Variants in RTEL1 observed in about 807,000 individuals in gnomAD.
RTEL1 encodes the protein regulator of telomere elongation helicase 1, also known as regulator of telomere length.
A neutral mutation model predicts 162.2 loss-of-function variants in RTEL1; 86 were observed. That is an observed-to-expected ratio of 0.53 (90% CI 0.45 to 0.63). The LOEUF is 0.63. RTEL1 is among the 30% of genes least tolerant of loss of function. The pLI, the probability that RTEL1 is intolerant of heterozygous loss-of-function variation, is 0.00. For synonymous variants in RTEL1, 958 were observed against 717.9 expected, an observed-to-expected ratio of 1.33 and a Z score of -5.35; for missense variants, 1,941 against 1,750.2, an observed-to-expected ratio of 1.11 and a Z score of -1.95.
At chr20:63,667,230 C>T (rs148646486) in intron 7 of RTEL1, among the ~76,000 whole-genome samples, 14 of 152,242 alleles carry the variant, frequency 9.2e-5, no homozygotes, top group African/African-American at 1.7e-4. Flanking sequence ...TTTAAAGAGA[C>T]GACGATTTAC....
Position 63,667,362 on chromosome 20 carries a change from C to CA in RTEL1, c.615-107_615-106insA, listed in dbSNP as rs572805544. The CA allele has an allele frequency of 4.8e-3, 4,194 of 865,478 alleles. 161 individuals are homozygous for CA. The South Asian group carries it at 0.053, about 11-fold the overall frequency. The allele number at this position is 865,478 out of a possible 1,614,324, so 53.6% of individuals were successfully genotyped here. On this transcript the variant is annotated intron_variant, in intron 7 of 34. Coordinates refer to ENST00000360203, the MANE Select transcript of RTEL1 (RefSeq NM_001283009.2). The stretch of plus-strand genomic sequence containing the variant: ...CCCAGGCAGCAGCTTCCCACCTGGG[C>CA]CCTACGTGCAGGATGAGGGCTCCTT...
rs914471851 is a variant in RTEL1 at position 63,688,588 on chromosome 20, A to G, written c.1783A>G (p.Lys595Glu). ...LKPLFVEPRS[K>E]GSFSETISAY... ...GCCGCTGTTTGTGGAGCCCAGGAGC[A>G]AAGGCAGCTTCTCCGAGGTCGGCAC... Residue 595 changes from lysine (K) to glutamate (E), a missense_variant, in exon 21 of 35, where the codon AAA (lysine) becomes GAA (glutamate). Lys to Glu is a moderately conservative substitution (Grantham distance 56). Coordinates refer to ENST00000360203, the MANE Select transcript of RTEL1 (RefSeq NM_001283009.2). 3 of 1,609,790 alleles carry G rather than the reference A, an allele frequency of 1.9e-6. No individual in the cohort carries two copies. Among genetic ancestry groups the G allele is most frequent in the African/African-American group, 1.3e-5 (1 of 75,030 alleles).
chr20:63,679,644 A>G (rs2090441641), intron 12 of RTEL1, among the ~76,000 whole-genome samples: 1 of 152,120 alleles, frequency 6.6e-6, no homozygotes. Flanking sequence ...TTCCGAGGGA[A>G]GGAAACTTCC....
chr20:63,662,086 G>A (rs2090031745), intron 4 of RTEL1, 143 bp downstream of exon 4: 2 of 703,808 alleles, frequency 2.8e-6, no homozygotes, highest in Non-Finnish European at 4.8e-6. Context: ...GAGCGCTGGT[G>A]CCCAGGGGTG....
chr20:63,664,833 C>T (rs952115540), intron 6 of RTEL1, among the ~76,000 whole-genome samples: 3 of 152,228 alleles, frequency 2.0e-5, no homozygotes, highest in African/African-American at 7.2e-5. Context: ...GGCCTGCGTC[C>T]TGTGAGGACT....
In RTEL1 at chr20:63,690,202, G is replaced by T. The variant is rs755033095; in HGVS notation, c.2257G>T (p.Glu753Ter). Residue 753 changes from glutamate to a stop codon, truncating the protein, a stop_gained, in exon 25 of 35, where the codon GAG (glutamate) becomes TAG (stop). Coordinates refer to ENST00000360203, the MANE Select transcript of RTEL1 (RefSeq NM_001283009.2). LOFTEE classifies it high-confidence loss of function. ...CGTGGCCCAGTTCTTCCGTGTTGCC[G>T]AGCGAACTGTGAGTTCCTGCCCAGG... ...RDVAQFFRVA[E>*]RTMPAPAPRA... is the part of the protein sequence containing the mutation. 6.2e-7 allele frequency: 1 copy of T among 1,612,358 alleles called. No homozygotes were observed. Among genetic ancestry groups the T allele is most frequent in the Non-Finnish European group, 8.5e-7 (1 of 1,179,690 alleles).
chr20:63,689,823 G>T lies in RTEL1; in HGVS notation c.2099G>T (p.Arg700Leu). The change falls in exon 24 of 35, where the codon CGG becomes CTG. Residue 700 changes from arginine (R) to leucine (L), a missense_variant. Transcript: ENST00000360203. ...AVNQAIGRVI[R>L]HRQDYGAVFL... is the part of the protein sequence containing the mutation. ...AACCAGGCCATCGGGCGAGTGATCC[G>T]GCACCGCCAGGACTACGGAGCTGTC... 1 of 1,611,712 alleles carries T rather than the reference G, an allele frequency of 6.2e-7. No homozygotes were observed.
chr20:63,695,574 C>A lies in RTEL1; in HGVS notation c.3746C>A (p.Ala1249Glu). Residue 1249 changes from alanine to glutamate, a missense_variant, in exon 34 of 35, where the codon GCA becomes GAA. Ala to Glu is a moderately radical substitution (Grantham distance 107). Coordinates refer to ENST00000360203, the MANE Select transcript of RTEL1 (RefSeq NM_001283009.2). ...SAGCVCQGCG[A>E]EDVVPFQCPA... ...GGCTGTGTGTGCCAGGGCTGTGGGG[C>A]AGAGGACGTGGTGCCCTTCCAGTGC... 6.2e-7 allele frequency: 1 copy of A among 1,612,232 alleles called. No homozygotes were observed.
intron 28 of RTEL1, chr20:63,692,105 C>A (rs2090761086): frequency 4.6e-6 from 2 of 432,360 alleles, no homozygotes; most frequent in African/African-American, 2.0e-5. Flanking sequence ...CCTGGCATTT[C>A]CCTCAAGTGT....
In RTEL1 at chr20:63,695,563, G is replaced by T; in HGVS notation, c.3735G>T (p.Gln1245His). 6.2e-7 allele frequency: 1 copy of T among 1,612,362 alleles called. No homozygotes were observed. The highest frequency in any genetic ancestry group is 8.5e-7 in the Non-Finnish European group (1 of 1,179,898). ...GGPLSAGCVC[Q>H]GCGAEDVVPF... is the part of the protein sequence containing the mutation. ...CCCTCTCAGCAGGCTGTGTGTGCCAGGGCTGTGGGGCAGAGGACGTGGTGC... is the reference window on the plus strand; with the variant it reads ...CCCTCTCAGCAGGCTGTGTGTGCCATGGCTGTGGGGCAGAGGACGTGGTGC... The change falls in exon 34 of 35, where the codon CAG becomes CAT. Residue 1245 changes from glutamine (Q) to histidine (H), a missense_variant. Gln to His is a conservative substitution (Grantham distance 24). Transcript: ENST00000360203.
intron 29 of RTEL1, 60 bp from the exon 30 acceptor site, chr20:63,693,083 G>A (rs2090798991): frequency 6.2e-7 from 1 of 1,610,826 alleles, no homozygotes. Flanking sequence ...TGGGTCCAAG[G>A]TGGTCTCTGT....
chr20:63,691,991 G>A, intron 28 of RTEL1, 154 bp downstream of exon 28: 1 of 595,640 alleles, frequency 1.7e-6, no homozygotes, highest in Non-Finnish European at 3.0e-6. Context: ...ACGGCCAGGG[G>A]CTCAAGTGTG....
In RTEL1 at chr20:63,690,166, G is replaced by A; in HGVS notation, c.2221G>A (p.Val741Ile). Residue 741 changes from valine to isoleucine, a missense_variant, in exon 25 of 35, where the codon GTC (valine) becomes ATC (isoleucine). By Grantham distance (29) the Val-to-Ile change is conservative (BLOSUM62 3). Coordinates refer to ENST00000360203, the MANE Select transcript of RTEL1 (RefSeq NM_001283009.2). ...HVRVYDNFGH[V>I]IRDVAQFFRV... ...CAGGGTGTATGACAACTTTGGCCAT[G>A]TCATCCGAGACGTGGCCCAGTTCTT... is the stretch of plus-strand genomic sequence containing the variant. 1.2e-6 allele frequency: 2 copies of A among 1,612,584 alleles called. No individual in the cohort carries two copies. The highest frequency in any genetic ancestry group is 1.1e-5 in the South Asian group (1 of 91,086).
intron 14 of RTEL1, chr20:63,681,509 G>T: frequency 1.0e-6 from 1 of 985,154 alleles, no homozygotes; most frequent in Middle Eastern, 5.2e-4. Context: ...GGGCTGCCCA[G>T]CGCTATGACA....
rs542716375 is a variant in RTEL1, at chr20:63,681,197, T to A, written c.1191+478T>A. 19 of 985,408 alleles carry A rather than the reference T, an allele frequency of 1.9e-5. No individual in the cohort carries two copies. The African/African-American group carries it at 3.0e-4, about 15-fold the overall frequency. 61.0% of individuals were successfully genotyped at this position (985,408 alleles called of 1,614,324 possible). A position where few individuals can be genotyped will look rare whatever the true frequency, so the allele number is the denominator to read the frequency against. ...GGGTGCGACCCTGGCCCCCTTCTCA[T>A]TGGCCCCGTCCTGTCCTGCAATGCC... On this transcript the variant is annotated intron_variant, in intron 14 of 34. Transcript: ENST00000360203.
At chr20:63,676,710 C>T (rs954061855) in intron 10 of RTEL1, among the ~76,000 whole-genome samples, 17 of 152,224 alleles carry the variant, frequency 1.1e-4, no homozygotes, top group Admixed American at 3.3e-4. Flanking sequence ...CCCAGGCAGG[C>T]GGATCACGAG....
intron 8 of RTEL1, 125 bp downstream of exon 8, chr20:63,667,678 C>T (rs1243353133): frequency 1.3e-6 from 1 of 773,266 alleles, no homozygotes; most frequent in Non-Finnish European, 2.3e-6. Flanking sequence ...GGAGGACTCA[C>T]CTCTGTCACT....
In RTEL1 at chr20:63,661,283, C is replaced by T. The variant is rs1292134264; in HGVS notation, c.103-15C>T. ...TCCTGGCTTCCCCGTAACCCTTGCT[C>T]CGAACTCCGTTCAGAAGGTGAATGG... is the stretch of plus-strand genomic sequence containing the variant. On this transcript the variant is annotated splice_polypyrimidine_tract_variant and intron_variant, in intron 2 of 34. Transcript: ENST00000360203. The surrounding 1 kb of genome is among the most constrained non-coding windows in gnomAD (Gnocchi z 5.1). The T allele has an allele frequency of 3.7e-6, 6 of 1,610,412 alleles. No individual in the cohort carries two copies. Among genetic ancestry groups the T allele is most frequent in the Non-Finnish European group, 5.1e-6 (6 of 1,179,088 alleles).
intron 29 of RTEL1, 36 bp downstream of exon 29, chr20:63,693,039 C>A (rs1413012136): frequency 1.2e-6 from 2 of 1,610,618 alleles, no homozygotes; most frequent in East Asian, 2.2e-5. Flanking sequence ...ACCCTGAGGG[C>A]AGTGCTGCCG....
Sources: allele counts gnomAD v4.1 joint callset (sites outside exome capture counted in the v4.1 genomes callset), GRCh38; gene constraint gnomAD v4.1.1; non-coding constraint Gnocchi (gnomAD v3.1); transcripts MANE v1.5; gene names NCBI Gene and HGNC (gene_info 2026-07-23, HGNC 2026-07-21).